BMPR1B: variants seen among roughly 807,000 people sequenced by gnomAD.
The protein encoded by BMPR1B is bone morphogenetic protein receptor type 1B, also known as bone morphogenetic protein receptor type-1B.
BMPR1B carries 12 observed loss-of-function variants against 59.1 expected under a neutral mutation model. That is an observed-to-expected ratio of 0.20 (90% CI 0.13 to 0.33). The LOEUF is 0.33. BMPR1B is among the 10% of genes least tolerant of loss of function. The pLI is 1.00. For synonymous variants in BMPR1B, 237 were observed against 207.3 expected (o/e 1.14, Z -1.23); for missense variants, 550 against 610.9 (o/e 0.90, Z 1.05).
intron 8 of BMPR1B, among the ~76,000 whole-genome samples, chr4:95,127,122 CCTT>C (rs1732965181): frequency 6.7e-6 from 1 of 150,142 alleles, no homozygotes; most frequent in Non-Finnish European, 1.5e-5. Flanking sequence ...CTTTATAACT[CCTT>C]ATACATTCAG....
In BMPR1B at chr4:95,060,430, T is replaced by C. The variant is rs1340724928; in HGVS notation, c.-17-43978T>C. Among the ~76,000 whole-genome samples the C allele has an allele frequency of 2.0e-5, 3 of 152,218 alleles. No homozygotes were observed. In the East Asian group the frequency reaches 5.8e-4, roughly 29 times the overall value. On this transcript the variant is annotated intron_variant, in intron 3 of 12. Coordinates refer to ENST00000515059, the MANE Select transcript of BMPR1B (RefSeq NM_001203.3). ...AATATTTTATCAGCATGATGTGTTG[T>C]TTAATAAAACAGTTGTCCTAGCACT... is the stretch of plus-strand genomic sequence containing the variant.
intron 1 of BMPR1B, among the ~76,000 whole-genome samples, chr4:94,807,498 TA>T (rs1416151160): frequency 6.6e-6 from 1 of 150,520 alleles, no homozygotes; most frequent in Non-Finnish European, 1.5e-5. Flanking sequence ...TAATGTTTAG[TA>T]ATTAATAATA....
intron 10 of BMPR1B, among the ~76,000 whole-genome samples, chr4:95,142,539 C>A (rs1734311857): frequency 6.6e-6 from 1 of 151,826 alleles, no homozygotes; most frequent in East Asian, 1.9e-4. Context: ...CTTCTCTTTT[C>A]TTTCTCCTGT....
At chr4:94,817,784 C>T (rs1277923864) in intron 1 of BMPR1B, among the ~76,000 whole-genome samples, 1 of 152,182 alleles carries the variant, frequency 6.6e-6, no homozygotes, top group Admixed American at 6.5e-5. Flanking sequence ...GTATCAGGAT[C>T]TTCAGAGAAA....
At chr4:95,106,544 A>G (rs901147773) in intron 4 of BMPR1B, among the ~76,000 whole-genome samples, 2 of 152,036 alleles carry the variant, frequency 1.3e-5, no homozygotes, top group Non-Finnish European at 2.9e-5. Context: ...ACAACCAGAG[A>G]GGCTTTATAA....
intron 4 of BMPR1B, among the ~76,000 whole-genome samples, chr4:95,109,825 G>A (rs936815596): frequency 2.0e-5 from 3 of 150,376 alleles, no homozygotes; most frequent in Non-Finnish European, 4.4e-5. Flanking sequence ...TCGTCATTTA[G>A]CATTAGGTGT....
In BMPR1B at chr4:94,827,451, G is replaced by A. The variant is rs374143141; in HGVS notation, c.-182-48380G>A. Among the ~76,000 whole-genome samples the A allele has an allele frequency of 4.0e-5, 6 of 151,800 alleles. No homozygotes were observed. The East Asian group carries it at 9.7e-4, about 24-fold the overall frequency. Reference sequence around the variant, plus strand: ...TCTCAAATATATTATTTATGGTTTTGTGCTGTTTGCACATTACTGCCTCTT... The same window carrying A: ...TCTCAAATATATTATTTATGGTTTTATGCTGTTTGCACATTACTGCCTCTT... On this transcript the variant is annotated intron_variant, in intron 1 of 12. Coordinates refer to ENST00000515059, the MANE Select transcript of BMPR1B (RefSeq NM_001203.3).
At chr4:94,900,573 A>G (rs1434206889) in intron 2 of BMPR1B, among the ~76,000 whole-genome samples, 2 of 152,050 alleles carry the variant, frequency 1.3e-5, no homozygotes, top group Non-Finnish European at 2.9e-5. Flanking sequence ...AAAGTTAACA[A>G]AAGCAATTTA....
intron 4 of BMPR1B, among the ~76,000 whole-genome samples, chr4:95,112,760 A>G (rs555532040): frequency 3.3e-5 from 5 of 152,066 alleles, no homozygotes; most frequent in East Asian, 3.9e-4. Flanking sequence ...ACTGTCTCTG[A>G]TGTTTCTTTA....
rs145526964 is a variant in BMPR1B, at chr4:95,077,538, C to G, written c.-17-26870C>G. On this transcript the variant is annotated intron_variant, in intron 3 of 12. Transcript: ENST00000515059. ...AAGCACAAAGCGCACAAGCACTTTG[C>G]TAATGGTTTGTTGATAAGCCACTTT... Among the ~76,000 whole-genome samples the G allele has an allele frequency of 4.2e-3, 634 of 152,226 alleles. 6 individuals carry two copies. The highest frequency in any genetic ancestry group is 0.015 in the African/African-American group (619 of 41,548).
At chr4:94,804,472 T>A (rs190757875) in intron 1 of BMPR1B, among the ~76,000 whole-genome samples, 175 of 152,338 alleles carry the variant, frequency 1.1e-3, no homozygotes, top group African/African-American at 4.0e-3. Context: ...AAATAGTTTT[T>A]AACTATGGCT....
At chr4:95,134,989 T>G (rs6823424) in intron 10 of BMPR1B, among the ~76,000 whole-genome samples, 38,187 of 152,164 alleles carry the variant, frequency 0.25, 6,062 homozygotes, top group South Asian at 0.37. Context: ...GTTTTTATGG[T>G]TTTAGGTCTC....
chr4:95,016,895 G>A (rs1448282179), intron 3 of BMPR1B, among the ~76,000 whole-genome samples: 1 of 152,170 alleles, frequency 6.6e-6, no homozygotes, highest in African/African-American at 2.4e-5. Flanking sequence ...TGCAACTTCA[G>A]TGTAATTGTC....
rs767383109 is a variant in BMPR1B, at chr4:95,125,013, C to T, written c.477C>T (p.Tyr159=). Reference sequence around the variant, plus strand: ...AAAGACAAGAAACCAGACCTCGATACAGCATTGGGTTAGAACAGGATGAAA... The same window carrying T: ...AAAGACAAGAAACCAGACCTCGATATAGCATTGGGTTAGAACAGGATGAAA... ...RYKRQETRPR[Y]SIGLEQDETY... The change falls in exon 8 of 13, where the codon TAC becomes TAT. Residue 159 remains tyrosine (Y), a synonymous_variant. Transcript: ENST00000515059. 5 of 1,613,410 alleles carry T rather than the reference C, an allele frequency of 3.1e-6. No homozygotes were observed. In the Admixed American group the frequency reaches 6.7e-5, roughly 22 times the overall value.
chr4:94,843,873 C>G (rs1368773647), intron 1 of BMPR1B, among the ~76,000 whole-genome samples: 2 of 152,046 alleles, frequency 1.3e-5, no homozygotes, highest in South Asian at 2.1e-4. Flanking sequence ...AGTGCACTTC[C>G]AGTTTTGTAG....
Position 95,125,035 on chromosome 4 carries a change from G to A in BMPR1B, c.499G>A (p.Glu167Lys). 6.2e-7 allele frequency: 1 copy of A among 1,613,746 alleles called. No individual in the cohort carries two copies. Among genetic ancestry groups the A allele is most frequent in the Non-Finnish European group, 8.5e-7 (1 of 1,179,708 alleles). The change falls in exon 8 of 13, where the codon GAA becomes AAA. Residue 167 changes from glutamate (E) to lysine (K), a missense_variant. Glu to Lys is a moderately conservative substitution (Grantham distance 56). This residue lies in a region of BMPR1B where 318 missense variants were observed against 284.6 expected (regional missense o/e 1.12). Coordinates refer to ENST00000515059, the MANE Select transcript of BMPR1B (RefSeq NM_001203.3). ...PRYSIGLEQDETYIPPGESLR... is the reference protein window; with the variant it reads ...PRYSIGLEQDKTYIPPGESLR... ...ATACAGCATTGGGTTAGAACAGGATGAAACTTACATTCCTCCTGGAGAATC... is the reference window on the plus strand; with the variant it reads ...ATACAGCATTGGGTTAGAACAGGATAAAACTTACATTCCTCCTGGAGAATC...
chr4:94,888,372 GA>G (rs1331367486), intron 2 of BMPR1B, among the ~76,000 whole-genome samples: 2 of 151,856 alleles, frequency 1.3e-5, no homozygotes, highest in African/African-American at 4.8e-5. Flanking sequence ...AATCAGAGAA[GA>G]GGGGAAAAGA....
At chr4:94,868,423 G>A (rs1057396744) in intron 1 of BMPR1B, among the ~76,000 whole-genome samples, 3 of 151,616 alleles carry the variant, frequency 2.0e-5, no homozygotes, top group Non-Finnish European at 4.4e-5. Flanking sequence ...CACCCACCTC[G>A]GCCTCCCAAA....
intron 2 of BMPR1B, among the ~76,000 whole-genome samples, chr4:94,900,318 A>G (rs1448651726): frequency 6.7e-6 from 1 of 148,950 alleles, no homozygotes; most frequent in African/African-American, 2.5e-5. Flanking sequence ...TAACATGGAA[A>G]TAGAGGATAA....
Sources: gnomAD v4.1 joint callset for allele counts (sites outside exome capture counted in the v4.1 genomes callset) on GRCh38, gnomAD v4.1.1 for gene constraint, gnomAD v4.1.1 regional missense constraint, MANE v1.5 for transcripts, NCBI Gene and HGNC (gene_info 2026-07-23, HGNC 2026-07-21) for gene names.